The following FGD4 variants were observed in gnomAD, a reference collection of about 807,000 sequenced individuals.
The protein encoded by FGD4 is FYVE, RhoGEF and PH domain-containing protein 4.
A neutral mutation model predicts 102.0 loss-of-function variants in FGD4; 42 were observed. The observed-to-expected ratio is 0.41, with a 90% CI of 0.32 to 0.53. The LOEUF (loss-of-function observed/expected upper bound fraction) is 0.53. Ranked by LOEUF, FGD4 falls within the 20% of genes least tolerant of loss-of-function variation. The pLI, the probability that FGD4 is intolerant of heterozygous loss-of-function variation, is 0.21. For missense variants in FGD4, 902 were observed against 1,078.2 expected (o/e 0.84, Z 2.29); for synonymous variants, 380 against 375.7 (o/e 1.01, Z -0.13).
Position 32,524,197 on chromosome 12 carries a change from C to A in FGD4, c.167-39940C>A, listed in dbSNP as rs576179546. 6.6e-4 allele frequency among the ~76,000 whole-genome samples: 99 copies of A among 150,792 alleles called. 1 individual carries two copies. The highest frequency in any genetic ancestry group is 2.2e-3 in the African/African-American group (89 of 41,076). On this transcript the variant is annotated intron_variant, in intron 1 of 16. Transcript: ENST00000534526. ...GAATCACGAGGTCAGGAGATCGAGA[C>A]CATCCTGGCTAACACGGTGAAACCC...
At chr12:32,532,131 A>T (rs1282855495) in intron 1 of FGD4, among the ~76,000 whole-genome samples, 1 of 152,206 alleles carries the variant, frequency 6.6e-6, no homozygotes, top group Non-Finnish European at 1.5e-5. Context: ...CTTTACATCC[A>T]TAGCTATGAT....
At chr12:32,425,749 G>T (rs1048632397) in intron 1 of FGD4, among the ~76,000 whole-genome samples, 3 of 152,110 alleles carry the variant, frequency 2.0e-5, no homozygotes, top group African/African-American at 7.2e-5. Flanking sequence ...TTATTTCCTT[G>T]AGCAGTGGTT....
chr12:32,424,121 C>G (rs996057909), intron 1 of FGD4, among the ~76,000 whole-genome samples: 1 of 152,072 alleles, frequency 6.6e-6, no homozygotes, highest in African/African-American at 2.4e-5. Flanking sequence ...GCAGAACATG[C>G]AGGTTTGTTC....
intron 1 of FGD4, among the ~76,000 whole-genome samples, chr12:32,545,249 A>G (rs1038959585): frequency 4.6e-5 from 7 of 152,224 alleles, no homozygotes; most frequent in African/African-American, 1.7e-4. Context: ...TTTATTAAAT[A>G]CATTCCAGAG....
chr12:32,509,709 A>C (rs1409073839), intron 1 of FGD4, among the ~76,000 whole-genome samples: 1 of 152,184 alleles, frequency 6.6e-6, no homozygotes, highest in Non-Finnish European at 1.5e-5. Flanking sequence ...TAGAAACAAC[A>C]CAAAGGTGTC....
intron 1 of FGD4, chr12:32,534,593 G>A (rs1432711693): frequency 8.1e-6 from 6 of 741,942 alleles, no homozygotes; most frequent in Non-Finnish European, 1.2e-5. Flanking sequence ...AAGTGGCAGA[G>A]TTTGGTTTTC....
chr12:32,548,360 G>T lies in FGD4; in HGVS notation c.167-15777G>T, dbSNP rs921202140. On this transcript the variant is annotated intron_variant, in intron 1 of 16. Coordinates refer to ENST00000534526, the MANE Select transcript of FGD4 (RefSeq NM_001370298.3). ...AAGCAAAGGGCTAATATATCTTTTC[G>T]CTACTTAGAACTACAGGCCAGAAAT... is the stretch of plus-strand genomic sequence containing the variant. Among the ~76,000 whole-genome samples, 7 of 152,232 alleles carry T rather than the reference G, an allele frequency of 4.6e-5. No homozygotes were observed. The South Asian group carries it at 1.4e-3, about 32-fold the overall frequency.
intron 5 of FGD4, 88 bp from the exon 6 acceptor site, chr12:32,601,190 G>C: frequency 7.2e-7 from 1 of 1,397,852 alleles, no homozygotes; most frequent in Non-Finnish European, 9.9e-7. Context: ...TCAATAAAAA[G>C]TTACTAAGAG....
chr12:32,478,187 T>TCA (rs1208451556), intron 1 of FGD4, among the ~76,000 whole-genome samples: 1 of 152,230 alleles, frequency 6.6e-6, no homozygotes, highest in African/African-American at 2.4e-5. Flanking sequence ...TGCTTTTGTT[T>TCA]CTGGTTATAC....
chr12:32,562,783 A>G (rs969593731), intron 1 of FGD4, among the ~76,000 whole-genome samples: 5 of 151,652 alleles, frequency 3.3e-5, no homozygotes, highest in Non-Finnish European at 4.4e-5. Context: ...CTTAGTACAG[A>G]ACAAAATGAA....
intron 1 of FGD4, among the ~76,000 whole-genome samples, chr12:32,464,245 C>CTGG (rs1311863451): frequency 1.3e-5 from 2 of 152,104 alleles, no homozygotes; most frequent in East Asian, 3.9e-4. Context: ...CTCCCTCTTC[C>CTGG]TGGGTCAAGC....
chr12:32,448,165 A>C (rs1176488343), intron 1 of FGD4, among the ~76,000 whole-genome samples: 1 of 152,218 alleles, frequency 6.6e-6, no homozygotes, highest in East Asian at 1.9e-4. Context: ...TGATTGATTC[A>C]TAAGATGAGC....
chr12:32,460,239 TG>T lies in FGD4; in HGVS notation c.166+60282del, dbSNP rs551301376. Among the ~76,000 whole-genome samples, 81 of 152,286 alleles carry T rather than the reference TG, an allele frequency of 5.3e-4. No individual in the cohort carries two copies. In the South Asian group the frequency reaches 0.016, roughly 30 times the overall value. On this transcript the variant is annotated intron_variant, in intron 1 of 16. Transcript: ENST00000534526. ...TAAAAGTGCTGTTTTTGGCCAGACATGGTGGCTCACGCCTGTAATCCGAGGA... is the reference window on the plus strand; with the variant it reads ...TAAAAGTGCTGTTTTTGGCCAGACATGTGGCTCACGCCTGTAATCCGAGGA...
In FGD4 at chr12:32,627,221, C is replaced by A. The variant is rs191857041; in HGVS notation, c.2172+1442C>A. On this transcript the variant is annotated intron_variant, in intron 14 of 16. Coordinates refer to ENST00000534526, the MANE Select transcript of FGD4 (RefSeq NM_001370298.3). The stretch of plus-strand genomic sequence containing the variant: ...CCAGGCTGGAGTGCAATGTTGTGAT[C>A]TTGGCTCACTGCAACCTCCACCTCC... 1.8e-3 allele frequency among the ~76,000 whole-genome samples: 273 copies of A among 150,976 alleles called. 2 individuals carry two copies. The highest frequency in any genetic ancestry group is 6.4e-3 in the African/African-American group (262 of 40,986).
At chr12:32,401,106 T>C (rs1940644218) in intron 1 of FGD4, among the ~76,000 whole-genome samples, 1 of 152,226 alleles carries the variant, frequency 6.6e-6, no homozygotes, top group Non-Finnish European at 1.5e-5. Flanking sequence ...GTCTTAGGTG[T>C]GATTCACTCA....
intron 10 of FGD4, among the ~76,000 whole-genome samples, chr12:32,615,817 C>T (rs140441373): frequency 0.013 from 2,001 of 152,128 alleles, 34 homozygotes; most frequent in Non-Finnish European, 0.015. Flanking sequence ...GGAATAATTT[C>T]TTTAGGGGTT....
At chr12:32,495,695 CA>C (rs766436638) in intron 1 of FGD4, among the ~76,000 whole-genome samples, 211 of 76,052 alleles carry the variant, frequency 2.8e-3, no homozygotes, top group Middle Eastern at 7.8e-3. Flanking sequence ...GACTCTGTTT[CA>C]AAAAAAAAAA....
chr12:32,519,744 C>G (rs1940306088), intron 1 of FGD4, among the ~76,000 whole-genome samples: 1 of 152,142 alleles, frequency 6.6e-6, no homozygotes, highest in Admixed American at 6.6e-5. Context: ...TCGAGACCAG[C>G]CTAGCCAAGA....
At chr12:32,537,586 T>C (rs1224782102) in intron 1 of FGD4, among the ~76,000 whole-genome samples, 1 of 152,224 alleles carries the variant, frequency 6.6e-6, no homozygotes, top group Non-Finnish European at 1.5e-5. Flanking sequence ...CCCCTATCCC[T>C]ATCCCTACCC....
Sources: allele counts gnomAD v4.1 joint callset (sites outside exome capture counted in the v4.1 genomes callset), GRCh38; gene constraint gnomAD v4.1.1; transcripts MANE v1.5; gene names NCBI Gene and HGNC (gene_info 2026-07-23, HGNC 2026-07-21).